GMDS: variants seen among roughly 807,000 people sequenced by gnomAD.
The protein encoded by GMDS is GDP-mannose 4,6 dehydratase.
A neutral mutation model predicts 49.9 loss-of-function variants in GMDS; 20 were observed. The observed-to-expected ratio is 0.40, with a 90% CI of 0.28 to 0.58. The LOEUF (loss-of-function observed/expected upper bound fraction) is 0.58, where lower values mean the gene tolerates loss of function less well. Among genes scored for constraint, GMDS ranks in the 20% least tolerant of loss-of-function variants. The pLI is 0.42. For synonymous variants in GMDS, 177 were observed against 178.6 expected (o/e 0.99, Z 0.07); for missense variants, 362 against 481.4 (o/e 0.75, Z 2.32).
chr6:1,656,138 T>G (rs1763872873), intron 9 of GMDS, among the ~76,000 whole-genome samples: 1 of 152,218 alleles, frequency 6.6e-6, no homozygotes, highest in Admixed American at 6.5e-5. Flanking sequence ...TTTATACAAG[T>G]TGATCTTAAC....
chr6:1,830,181 G>T (rs1248361695), intron 7 of GMDS, among the ~76,000 whole-genome samples: 1 of 152,192 alleles, frequency 6.6e-6, no homozygotes, highest in Non-Finnish European at 1.5e-5. Flanking sequence ...TGGCTATCAT[G>T]TGGGACATTG....
chr6:1,865,863 C>T (rs533576156), intron 7 of GMDS, among the ~76,000 whole-genome samples: 51 of 152,116 alleles, frequency 3.4e-4, no homozygotes, highest in African/African-American at 1.1e-3. Flanking sequence ...CAAGAAAAGG[C>T]GGCTGAGGGC....
intron 9 of GMDS, among the ~76,000 whole-genome samples, chr6:1,636,845 C>T (rs1333111062): frequency 6.6e-6 from 1 of 152,228 alleles, no homozygotes; most frequent in African/African-American, 2.4e-5. Context: ...TGGAAGGCAG[C>T]AGGGAGGAGA....
chr6:2,162,545 T>C (rs1275118405), intron 1 of GMDS, among the ~76,000 whole-genome samples: 2 of 152,176 alleles, frequency 1.3e-5, no homozygotes, highest in African/African-American at 4.8e-5. Context: ...TCTAGTCTCA[T>C]GTATTCAGGG....
chr6:1,669,189 C>T (rs1057475609), intron 9 of GMDS, among the ~76,000 whole-genome samples: 4 of 152,178 alleles, frequency 2.6e-5, no homozygotes, highest in Non-Finnish European at 4.4e-5. Context: ...TGGAAAAAAG[C>T]GCAAAGCAGG....
At chr6:2,044,646 G>A (rs188014014) in intron 4 of GMDS, among the ~76,000 whole-genome samples, 2 of 152,212 alleles carry the variant, frequency 1.3e-5, no homozygotes, top group African/African-American at 2.4e-5. Flanking sequence ...GAAATAATCC[G>A]AACAACAAAC....
Position 2,174,668 on chromosome 6 carries a change from A to C in GMDS, c.103-49937T>G, listed in dbSNP as rs186828503. Among the ~76,000 whole-genome samples, 3 of 152,200 alleles carry C rather than the reference A, an allele frequency of 2.0e-5. No homozygotes were observed. The East Asian group carries it at 5.8e-4, about 29-fold the overall frequency. Reference sequence around the variant, plus strand: ...CTACAACCTCCACCTCCTGGGTTCAAGTGATTCTCCTGCCTCAGGATCCCG... The same window carrying C: ...CTACAACCTCCACCTCCTGGGTTCACGTGATTCTCCTGCCTCAGGATCCCG... On this transcript the variant is annotated intron_variant, in intron 1 of 10. Transcript: ENST00000380815.
chr6:1,999,645 G>A (rs1766532130), intron 4 of GMDS, among the ~76,000 whole-genome samples: 1 of 149,570 alleles, frequency 6.7e-6, no homozygotes, highest in South Asian at 2.1e-4. Flanking sequence ...ATCCATTAGA[G>A]ACATCAGAAA....
chr6:2,219,433 T>C (rs906371896), intron 1 of GMDS, among the ~76,000 whole-genome samples: 1 of 152,176 alleles, frequency 6.6e-6, no homozygotes, highest in Admixed American at 6.5e-5. Flanking sequence ...TCGTAATCAC[T>C]TTACACAGGA....
At chr6:1,939,508 CAT>C (rs968199693) in intron 6 of GMDS, among the ~76,000 whole-genome samples, 2 of 151,106 alleles carry the variant, frequency 1.3e-5, no homozygotes, top group East Asian at 3.9e-4. Flanking sequence ...TACACACATG[CAT>C]ATATATATAC....
intron 1 of GMDS, among the ~76,000 whole-genome samples, chr6:2,155,758 C>T (rs1777083951): frequency 6.6e-6 from 1 of 152,128 alleles, no homozygotes; most frequent in African/African-American, 2.4e-5. Flanking sequence ...AGCAGCAGCT[C>T]CATCAAGCTG....
intron 9 of GMDS, among the ~76,000 whole-genome samples, chr6:1,685,221 ACC>A (rs11323066): frequency 6.6e-6 from 1 of 151,596 alleles, no homozygotes; most frequent in Non-Finnish European, 1.5e-5. Flanking sequence ...ACATGGTGAG[ACC>A]CCCGTCTCTA....
chr6:1,780,306 T>C (rs1389992733), intron 7 of GMDS, among the ~76,000 whole-genome samples: 1 of 152,224 alleles, frequency 6.6e-6, no homozygotes, highest in Non-Finnish European at 1.5e-5. Context: ...ATGATGATAC[T>C]ACCATGTAGT....
At chr6:1,654,302 T>C (rs1763804072) in intron 9 of GMDS, among the ~76,000 whole-genome samples, 2 of 152,224 alleles carry the variant, frequency 1.3e-5, no homozygotes, top group Non-Finnish European at 2.9e-5. Flanking sequence ...AATAGACACT[T>C]GTCCACTCAT....
rs574879153 is a variant in GMDS, at chr6:1,978,690, C to G, written c.346-17724G>C. 2.0e-5 allele frequency among the ~76,000 whole-genome samples: 3 copies of G among 152,266 alleles called. No homozygotes were observed. The South Asian group carries it at 6.2e-4, about 32-fold the overall frequency. On this transcript the variant is annotated intron_variant, in intron 4 of 10. Transcript: ENST00000380815. ...TGGGCTGCCTGTGGGCCATGGAGAG[C>G]CCAAACCAATCAGGGGCTGAAGGGA...
chr6:1,724,567 T>G (rs1766505482), intron 9 of GMDS, among the ~76,000 whole-genome samples: 1 of 152,180 alleles, frequency 6.6e-6, no homozygotes, highest in African/African-American at 2.4e-5. Flanking sequence ...GTTGTAAAAA[T>G]TGAGGTTTCT....
intron 8 of GMDS, among the ~76,000 whole-genome samples, 161 bp from the exon 9 acceptor site, chr6:1,726,673 C>T (rs1032618132): frequency 1.3e-5 from 2 of 152,178 alleles, no homozygotes; most frequent in African/African-American, 2.4e-5. Flanking sequence ...AAAGCAACGG[C>T]GACTTTCAAA....
chr6:2,115,373 C>T (rs936390852), intron 4 of GMDS, among the ~76,000 whole-genome samples: 1 of 152,122 alleles, frequency 6.6e-6, no homozygotes, highest in African/African-American at 2.4e-5. Context: ...TTCTCTCAGC[C>T]AGTAATTTAG....
At chr6:1,996,969 A>T (rs966233836) in intron 4 of GMDS, among the ~76,000 whole-genome samples, 4 of 151,946 alleles carry the variant, frequency 2.6e-5, no homozygotes, top group African/African-American at 9.7e-5. Context: ...AGCACCATCG[A>T]ATTTTCCAAG....
Sources: allele counts gnomAD v4.1 joint callset (sites outside exome capture counted in the v4.1 genomes callset), GRCh38; gene constraint gnomAD v4.1.1; transcripts MANE v1.5; gene names NCBI Gene and HGNC (gene_info 2026-07-23, HGNC 2026-07-21).